The following STK39 variants were observed in gnomAD, a reference collection of about 807,000 sequenced individuals.
The protein encoded by STK39 is serine/threonine kinase 39, also known as STE20/SPS1-related proline-alanine-rich protein kinase.
STK39 carries 20 observed loss-of-function variants against 77.8 expected under a neutral mutation model. That is an observed-to-expected ratio of 0.26 (90% CI 0.18 to 0.37). The LOEUF (loss-of-function observed/expected upper bound fraction) is 0.37. Among genes scored for constraint, STK39 ranks in the 10% least tolerant of loss-of-function variants. STK39 has a pLI of 1.00. For missense variants in STK39, 479 were observed against 656.5 expected (o/e 0.73, Z 2.95); for synonymous variants, 246 against 234.1 (o/e 1.05, Z -0.47).
intron 14 of STK39, among the ~76,000 whole-genome samples, chr2:168,017,747 CTATTT>C (rs1684453060): frequency 6.6e-6 from 1 of 151,912 alleles, no homozygotes; most frequent in Non-Finnish European, 1.5e-5. Context: ...TTGAAAAATA[CTATTT>C]TATTAAATCA....
At chr2:168,023,293 C>G (rs759103523) in intron 14 of STK39, among the ~76,000 whole-genome samples, 62 of 143,946 alleles carry the variant, frequency 4.3e-4, no homozygotes, top group Non-Finnish European at 6.6e-4. Flanking sequence ...GTCTATTTAA[C>G]GTGAGAAGTT....
chr2:168,121,173 A>C (rs1049298283), intron 10 of STK39, among the ~76,000 whole-genome samples: 3 of 152,190 alleles, frequency 2.0e-5, no homozygotes. Flanking sequence ...TGGTGGAAAG[A>C]GCATAGATTG....
intron 10 of STK39, among the ~76,000 whole-genome samples, chr2:168,097,406 T>C (rs1686698984): frequency 6.6e-6 from 1 of 152,230 alleles, no homozygotes. Context: ...GCTCACTAAC[T>C]GGCCCATTCC....
At chr2:168,016,032 AT>A (rs1684394961) in intron 15 of STK39, among the ~76,000 whole-genome samples, 2 of 152,216 alleles carry the variant, frequency 1.3e-5, no homozygotes, top group African/African-American at 4.8e-5. Context: ...GGTTCAAGTG[AT>A]TCTCTTGCCT....
At chr2:167,981,958 G>A (rs1190459440) in intron 16 of STK39, among the ~76,000 whole-genome samples, 1 of 152,138 alleles carries the variant, frequency 6.6e-6, no homozygotes, top group Non-Finnish European at 1.5e-5. Flanking sequence ...GGGTGGTGGT[G>A]GGAGAAATAT....
intron 16 of STK39, among the ~76,000 whole-genome samples, chr2:167,975,386 A>G (rs1223212110): frequency 6.6e-6 from 1 of 152,094 alleles, no homozygotes; most frequent in Non-Finnish European, 1.5e-5. Flanking sequence ...GGGGATGAGG[A>G]GTATCAGAGA....
intron 1 of STK39, among the ~76,000 whole-genome samples, chr2:168,222,948 C>T (rs1419648991): frequency 1.3e-5 from 2 of 152,178 alleles, no homozygotes; most frequent in Non-Finnish European, 2.9e-5. Flanking sequence ...ATAACAACTC[C>T]TCAGTGCTAA....
intron 10 of STK39, among the ~76,000 whole-genome samples, chr2:168,094,831 A>C (rs1188024996): frequency 6.6e-6 from 1 of 152,062 alleles, no homozygotes; most frequent in Non-Finnish European, 1.5e-5. Context: ...GGAACTTCCA[A>C]CTCAAATGCG....
At chr2:168,165,160 T>C (rs1221384252) in intron 3 of STK39, among the ~76,000 whole-genome samples, 1 of 152,158 alleles carries the variant, frequency 6.6e-6, no homozygotes, top group Non-Finnish European at 1.5e-5. Flanking sequence ...TGTATAAGGA[T>C]ATACCATACC....
chr2:167,985,362 CACA>C (rs1489156980), intron 16 of STK39, among the ~76,000 whole-genome samples: 3 of 152,150 alleles, frequency 2.0e-5, no homozygotes, highest in African/African-American at 7.2e-5. Flanking sequence ...GTTTGTTTCA[CACA>C]ACATCGCATG....
intron 10 of STK39, among the ~76,000 whole-genome samples, chr2:168,083,691 T>C (rs566708316): frequency 2.0e-5 from 3 of 152,044 alleles, no homozygotes; most frequent in Non-Finnish European, 2.9e-5. Flanking sequence ...CTGACTCATG[T>C]AATGTGGCTG....
At chr2:167,968,094 T>A (rs1245923145) in intron 16 of STK39, among the ~76,000 whole-genome samples, 2 of 152,216 alleles carry the variant, frequency 1.3e-5, no homozygotes, top group Admixed American at 6.5e-5. Context: ...TCCAGCTGCA[T>A]CCATGTCACT....
intron 10 of STK39, among the ~76,000 whole-genome samples, chr2:168,105,130 G>A (rs1307327969): frequency 6.6e-6 from 1 of 152,192 alleles, no homozygotes; most frequent in Admixed American, 6.5e-5. Flanking sequence ...ATTTCAAAAA[G>A]GTGATCCTGA....
intron 12 of STK39, among the ~76,000 whole-genome samples, chr2:168,068,682 T>C (rs1685860327): frequency 6.6e-6 from 1 of 152,186 alleles, no homozygotes; most frequent in South Asian, 2.1e-4. Context: ...GATTTCTGGA[T>C]TTCTGAAAAA....
At chr2:168,167,224 G>T in intron 3 of STK39, 75 bp downstream of exon 3, 1 of 1,243,622 alleles carries the variant, frequency 8.0e-7, no homozygotes, top group Non-Finnish European at 1.2e-6. Flanking sequence ...TCAATCTAAA[G>T]TCTTCTCCAA....
intron 5 of STK39, among the ~76,000 whole-genome samples, chr2:168,151,847 AG>A (rs1340768350): frequency 6.6e-6 from 1 of 152,206 alleles, no homozygotes; most frequent in African/African-American, 2.4e-5. Flanking sequence ...CAGGCTTAAA[AG>A]GGACAAAAAG....
At chr2:167,972,783 G>A (rs1030054518) in intron 16 of STK39, among the ~76,000 whole-genome samples, 12 of 152,128 alleles carry the variant, frequency 7.9e-5, no homozygotes, top group Admixed American at 5.9e-4. Context: ...AGGTGCCAGA[G>A]ACCCCATTTG....
intron 16 of STK39, among the ~76,000 whole-genome samples, chr2:167,982,060 T>C (rs979488124): frequency 2.6e-5 from 4 of 152,186 alleles, no homozygotes; most frequent in Non-Finnish European, 5.9e-5. Flanking sequence ...CGTGGAGTCA[T>C]TGTGAAATGA....
chr2:168,239,704 T>G (rs377219828), intron 1 of STK39, among the ~76,000 whole-genome samples: 32 of 152,358 alleles, frequency 2.1e-4, no homozygotes, highest in Non-Finnish European at 3.7e-4. Flanking sequence ...AAAACATTTA[T>G]TAAATATCTA....
Sources: allele counts gnomAD v4.1 joint callset (sites outside exome capture counted in the v4.1 genomes callset), GRCh38; gene constraint gnomAD v4.1.1; transcripts MANE v1.5; gene names NCBI Gene and HGNC (gene_info 2026-07-23, HGNC 2026-07-21).